OR2T2: variants seen among roughly 807,000 people sequenced by gnomAD.
The protein encoded by OR2T2 is olfactory receptor 2T2.
For missense variants in OR2T2, 138 were observed against 409.1 expected (o/e 0.34, Z 5.72); for synonymous variants, 50 against 162.7 (o/e 0.31, Z 5.27).
At chr1:248,449,828 C>T (rs75662641) in intron 2 of OR2T2, among the ~76,000 whole-genome samples, 40 of 115,262 alleles carry the variant, frequency 3.5e-4, no homozygotes, top group African/African-American at 1.4e-3. Context: ...TTTTCTTTTT[C>T]TTTTTTTTTT....
At chr1:248,447,445 C>G (rs1319230349) in intron 2 of OR2T2, among the ~76,000 whole-genome samples, 1 of 133,084 alleles carries the variant, frequency 7.5e-6, no homozygotes, top group Non-Finnish European at 1.5e-5. Flanking sequence ...GAGTTCTGGT[C>G]TCCCTGCCTT....
At chr1:248,450,878 G>GTCAAGAGA (rs1176515705) in intron 2 of OR2T2, among the ~76,000 whole-genome samples, 3 of 136,346 alleles carry the variant, frequency 2.2e-5, no homozygotes, top group Non-Finnish European at 4.6e-5. Context: ...CGAAGCTGTG[G>GTCAAGAGA]CTATCACAAG....
At chr1:248,453,490 T>C (rs147513698) in exon 3 of OR2T2, 3 of 1,589,442 alleles carry the variant, frequency 1.9e-6, no homozygotes, top group Non-Finnish European at 2.6e-6. Flanking sequence ...GGATGAACTC[T>C]GCTGAGGGCC....
chr1:248,446,705 CCTG>C (rs1662665565), exon 2 of OR2T2: 1 of 148,112 alleles, frequency 6.8e-6, no homozygotes, highest in African/African-American at 2.7e-5. Flanking sequence ...TCACAGCCCT[CCTG>C]CTGGCAGCTT....
chr1:248,455,170 G>T (rs1334680953), exon 3 of OR2T2: 6 of 147,510 alleles, frequency 4.1e-5, no homozygotes, highest in Admixed American at 1.4e-4. Context: ...AATATTGACG[G>T]ACCTGGTGTT....
At chr1:248,447,207 C>T (rs529004834) in intron 2 of OR2T2, among the ~76,000 whole-genome samples, 2 of 149,136 alleles carry the variant, frequency 1.3e-5, no homozygotes, top group South Asian at 2.1e-4. Flanking sequence ...GGTCCAAATG[C>T]GTTCATTCAT....
At chr1:248,454,170 CAT>C in exon 3 of OR2T2, 2 of 203,908 alleles carry the variant, frequency 9.8e-6, no homozygotes, top group South Asian at 3.2e-5. Flanking sequence ...AACATGTGAC[CAT>C]GAGTCCTTCC....
In OR2T2 at chr1:248,450,303, CTA is replaced by C. The variant is rs941498872; in HGVS notation, c.-22-2472_-22-2471del. Among the ~76,000 whole-genome samples, 4 of 144,336 alleles carry C rather than the reference CTA, an allele frequency of 2.8e-5. No individual in the cohort carries two copies. The East Asian group carries it at 6.0e-4, about 22-fold the overall frequency. The allele number at this position is 144,336 out of a possible 152,430, so 94.7% of individuals were successfully genotyped here. A position where few individuals can be genotyped will look rare whatever the true frequency, so the allele number is the denominator to read the frequency against. The stretch of plus-strand genomic sequence containing the variant: ...GCTCACACACTCACATATGAACACA[CTA>C]CACACACATGTACACACAACGCTCA... On this transcript the variant is annotated intron_variant, in intron 2 of 2. Transcript: ENST00000642130.
At chr1:248,446,335 G>A (rs1283166597) in intron 1 of OR2T2, among the ~76,000 whole-genome samples, 2 of 144,866 alleles carry the variant, frequency 1.4e-5, no homozygotes, top group Non-Finnish European at 3.0e-5. Context: ...GGGGAGATGT[G>A]GACATGTTGG....
intron 2 of OR2T2, among the ~76,000 whole-genome samples, chr1:248,448,810 T>TCACC (rs1469702926): frequency 1.6e-4 from 12 of 74,502 alleles, no homozygotes; most frequent in South Asian, 8.7e-4. Flanking sequence ...TTAGGATTAG[T>TCACC]AACATGTTGG....
At chr1:248,446,160 CATG>C (rs1415205425) in intron 1 of OR2T2, among the ~76,000 whole-genome samples, 2 of 142,988 alleles carry the variant, frequency 1.4e-5, no homozygotes, top group Non-Finnish European at 3.0e-5. Flanking sequence ...GGAGGGAAAT[CATG>C]ATTTTTTTTT....
At chr1:248,445,747 C>G (rs1445229240) in intron 1 of OR2T2, 78 bp downstream of exon 1, 2 of 152,050 alleles carry the variant, frequency 1.3e-5, no homozygotes, top group African/African-American at 2.4e-5. Flanking sequence ...TACTCTGTAA[C>G]TATTAGAAGG....
exon 3 of OR2T2, chr1:248,455,179 TTTA>T (rs1312054420): frequency 2.7e-5 from 4 of 145,808 alleles, no homozygotes; most frequent in East Asian, 2.0e-4. Context: ...GGACCTGGTG[TTTA>T]TTTTCTTTGT....
At chr1:248,451,980 C>CTAGTCA (rs1662811940) in intron 2 of OR2T2, among the ~76,000 whole-genome samples, 1 of 83,632 alleles carries the variant, frequency 1.2e-5, no homozygotes, top group African/African-American at 9.5e-5. Context: ...GATGCAGCAT[C>CTAGTCA]TAAATTTTAG....
At chr1:248,451,500 A>AG (rs1243991824) in intron 2 of OR2T2, among the ~76,000 whole-genome samples, 3 of 120,824 alleles carry the variant, frequency 2.5e-5, no homozygotes, top group Admixed American at 2.3e-4. Flanking sequence ...TTTGAGACAA[A>AG]GTCTTACTCT....
intron 2 of OR2T2, 70 bp from the exon 4 acceptor site, chr1:248,452,706 A>AT: frequency 7.7e-7 from 1 of 1,306,204 alleles, no homozygotes; most frequent in Non-Finnish European, 1.1e-6. Flanking sequence ...TGCTTCTGAC[A>AT]TACTATTCCT....
At chr1:248,450,528 T>A (rs1662773093) in intron 2 of OR2T2, among the ~76,000 whole-genome samples, 1 of 151,408 alleles carries the variant, frequency 6.6e-6, no homozygotes, top group Admixed American at 6.5e-5. Flanking sequence ...TTTTACCTCC[T>A]CTTTGAATAC....
intron 2 of OR2T2, among the ~76,000 whole-genome samples, chr1:248,448,035 G>A: frequency 6.6e-6 from 1 of 152,288 alleles, no homozygotes; most frequent in Non-Finnish European, 1.5e-5. Flanking sequence ...TAGCTGTCTA[G>A]GTTATCAAAT....
chr1:248,449,916 C>T (rs950160668), intron 2 of OR2T2, among the ~76,000 whole-genome samples: 3 of 136,136 alleles, frequency 2.2e-5, no homozygotes, highest in African/African-American at 1.0e-4. Context: ...GAAAGATGAC[C>T]TGATGGGGAA....
Sources: gnomAD v4.1 joint callset for allele counts (sites outside exome capture counted in the v4.1 genomes callset) on GRCh38, gnomAD v4.1.1 for gene constraint, MANE v1.5 for transcripts, NCBI Gene and HGNC (gene_info 2026-07-23, HGNC 2026-07-21) for gene names.